Variants in SLC25A37 observed in about 807,000 individuals in gnomAD.
SLC25A37 encodes the protein mitoferrin-1.
SLC25A37 carries 17 observed loss-of-function variants against 31.0 expected under a neutral mutation model. That is an observed-to-expected ratio of 0.55 (90% CI 0.38 to 0.82). The LOEUF (loss-of-function observed/expected upper bound fraction) is 0.82, where lower values mean the gene tolerates loss of function less well. Among genes scored for constraint, SLC25A37 ranks in the 40% least tolerant of loss-of-function variants. The pLI is 0.00. For synonymous variants in SLC25A37, 222 were observed against 193.0 expected, an observed-to-expected ratio of 1.15 and a Z score of -1.24; for missense variants, 404 against 465.8, an observed-to-expected ratio of 0.87 and a Z score of 1.22.
rs909652062 is a variant in SLC25A37 at position 23,566,145 on chromosome 8, A to G, written c.248A>G (p.Gln83Arg). The G allele has an allele frequency of 6.2e-7, 1 of 1,600,544 alleles. No homozygotes were observed. The highest frequency in any genetic ancestry group is 1.3e-5 in the African/African-American group (1 of 74,328). The change falls in exon 2 of 4, where the codon CAG (glutamine) becomes CGG (arginine). Residue 83 changes from glutamine (Q) to arginine (R), a missense_variant. Physicochemically the swap from Gln to Arg is conservative, Grantham distance 43. This residue lies in a region of SLC25A37 where 154 missense variants were observed against 153.6 expected (regional missense o/e 1.00). Transcript: ENST00000519973. ...AGTTTGAGTCCAGATCCCAAAGCCCAGTACACAAGTATCTACGGAGCCCTC... is the reference window on the plus strand; with the variant it reads ...AGTTTGAGTCCAGATCCCAAAGCCCGGTACACAAGTATCTACGGAGCCCTC... ...MQSLSPDPKA[Q>R]YTSIYGALKK...
rs1802873583 is a variant in SLC25A37, at chr8:23,572,203, T to TACAAAA, written c.*349_*350insCAAAAA. On this transcript the variant is annotated 3_prime_UTR_variant, in exon 4 of 4. Transcript: ENST00000519973. ...GAAAATTTGCAGTGACTGAAAACAG[T>TACAAAA]AAAAAAAAAAAAAAAAAAAAAAAAA... 1.2e-5 allele frequency: 1 copy of TACAAAA among 85,756 alleles called. No homozygotes were observed. Among genetic ancestry groups the TACAAAA allele is most frequent in the African/African-American group, 6.5e-5 (1 of 15,276 alleles). The allele number at this position is 85,756 out of a possible 1,614,324, so 5.3% of individuals were successfully genotyped here. A position where few individuals can be genotyped will look rare whatever the true frequency, so the allele number is the denominator to read the frequency against.
chr8:23,556,899 G>T (rs1304980073), intron 1 of SLC25A37, among the ~76,000 whole-genome samples: 1 of 152,110 alleles, frequency 6.6e-6, no homozygotes, highest in East Asian at 1.9e-4. Flanking sequence ...CACCCAGGCT[G>T]GAGTGCAATG....
intron 1 of SLC25A37, among the ~76,000 whole-genome samples, chr8:23,560,160 C>T (rs1802476080): frequency 6.6e-6 from 1 of 152,104 alleles, no homozygotes; most frequent in Non-Finnish European, 1.5e-5. Flanking sequence ...CTGAGCTACT[C>T]AGGAGGCTGA....
intron 1 of SLC25A37, among the ~76,000 whole-genome samples, chr8:23,534,910 A>G (rs1046213882): frequency 5.9e-5 from 9 of 152,146 alleles, no homozygotes; most frequent in Non-Finnish European, 8.8e-5. Flanking sequence ...GGACTCTGGC[A>G]TCTGATGCAC....
At chr8:23,567,904 T>G (rs1802712102) in intron 2 of SLC25A37, 1 of 195,482 alleles carries the variant, frequency 5.1e-6, no homozygotes, top group South Asian at 9.4e-5. Context: ...TTCTCAGCTG[T>G]AGATATGATA....
intron 2 of SLC25A37, chr8:23,567,594 C>T (rs1218490972): frequency 6.5e-6 from 1 of 152,844 alleles, no homozygotes; most frequent in East Asian, 1.9e-4. Flanking sequence ...CCTGGTGTTC[C>T]TCATTCCTCC....
intron 1 of SLC25A37, among the ~76,000 whole-genome samples, chr8:23,548,679 AG>A: frequency 6.6e-6 from 1 of 152,112 alleles, no homozygotes; most frequent in East Asian, 1.9e-4. Flanking sequence ...CATGTTGGTC[AG>A]GCTGGTCTCA....
Position 23,571,390 on chromosome 8 carries a change from C to T in SLC25A37, c.552C>T (p.Cys184=), listed in dbSNP as rs565517052. The T allele has an allele frequency of 2.5e-5, 40 of 1,612,778 alleles. 1 individual carries two copies. In the South Asian group the frequency reaches 3.9e-4, roughly 16 times the overall value. ...CGCAGCACCGGTCAGCAATCAGCTG[C>T]ATCCGGACGGTGTGGAGGACCGAGG... ...YNSQHRSAIS[C]IRTVWRTEGL... is the part of the protein sequence containing the mutation. The change falls in exon 4 of 4, where the codon TGC becomes TGT. Residue 184 remains cysteine, a synonymous_variant. Transcript: ENST00000519973.
intron 3 of SLC25A37, among the ~76,000 whole-genome samples, chr8:23,569,515 C>G (rs1265986720): frequency 6.6e-6 from 1 of 152,130 alleles, no homozygotes; most frequent in Non-Finnish European, 1.5e-5. Context: ...GGCTAGTGTT[C>G]AATTTGACTG....
intron 1 of SLC25A37, among the ~76,000 whole-genome samples, chr8:23,548,511 C>A (rs1175074444): frequency 1.3e-5 from 2 of 150,184 alleles, no homozygotes; most frequent in Non-Finnish European, 3.0e-5. Flanking sequence ...TTGTTGCCCC[C>A]CCAGGATGGA....
chr8:23,546,108 C>T (rs1033085445), intron 1 of SLC25A37, among the ~76,000 whole-genome samples: 34 of 151,356 alleles, frequency 2.2e-4, no homozygotes, highest in African/African-American at 6.8e-4. Flanking sequence ...GCACTCCAGG[C>T]CGGGCAACAA....
At chr8:23,549,532 C>T (rs752645539) in intron 1 of SLC25A37, among the ~76,000 whole-genome samples, 7 of 152,306 alleles carry the variant, frequency 4.6e-5, no homozygotes, top group Middle Eastern at 3.4e-3. Context: ...TCGAGTCTTG[C>T]GGTTGTTTCC....
intron 1 of SLC25A37, among the ~76,000 whole-genome samples, chr8:23,557,990 T>C (rs1802413092): frequency 6.6e-6 from 1 of 152,182 alleles, no homozygotes; most frequent in South Asian, 2.1e-4. Context: ...CCTGGAGTTG[T>C]GCTGCTCATG....
intron 1 of SLC25A37, among the ~76,000 whole-genome samples, chr8:23,538,088 A>G (rs998916888): frequency 5.3e-5 from 8 of 152,120 alleles, no homozygotes; most frequent in African/African-American, 1.9e-4. Context: ...AAAGCTTTAA[A>G]ACTTGCTATT....
intron 1 of SLC25A37, among the ~76,000 whole-genome samples, chr8:23,560,759 G>A (rs1802495268): frequency 6.6e-6 from 1 of 152,208 alleles, no homozygotes; most frequent in Non-Finnish European, 1.5e-5. Context: ...GGTGACTGAG[G>A]CAGAACTCAA....
Position 23,529,232 on chromosome 8 carries a change from CG to C in SLC25A37, c.210+24del. 3 of 1,597,050 alleles carry C rather than the reference CG, an allele frequency of 1.9e-6. No homozygotes were observed. Among genetic ancestry groups the C allele is most frequent in the Non-Finnish European group, 2.6e-6 (3 of 1,172,898 alleles). Reference sequence around the variant, plus strand: ...GTGAAGGTGAGGCGCGGGGAGACTTCGGGGACGCAACGAGCGGAGAAGGAGC... The same window carrying C: ...GTGAAGGTGAGGCGCGGGGAGACTTCGGGACGCAACGAGCGGAGAAGGAGC... On this transcript the variant is annotated intron_variant, in intron 1 of 3. Transcript: ENST00000519973. This position sits in a 1 kb window ranked among gnomAD's most constrained non-coding sequence, Gnocchi z 4.1.
chr8:23,566,369 G>T, intron 2 of SLC25A37, 33 bp downstream of exon 2: 2 of 1,588,342 alleles, frequency 1.3e-6, no homozygotes, highest in East Asian at 2.3e-5. Flanking sequence ...GAGTTAGAAA[G>T]TTCTCTTCTT....
At chr8:23,566,511 C>T (rs919925774) in intron 2 of SLC25A37, 175 bp downstream of exon 2, 10 of 1,369,602 alleles carry the variant, frequency 7.3e-6, no homozygotes, top group South Asian at 7.2e-5. Context: ...CACACACGCG[C>T]GCGCACACAC....
chr8:23,568,313 G>T lies in SLC25A37; in HGVS notation c.440-9G>T. 1 of 1,613,930 alleles carries T rather than the reference G, an allele frequency of 6.2e-7. No homozygotes were observed. Among genetic ancestry groups the T allele is most frequent in the South Asian group, 1.1e-5 (1 of 91,082 alleles). On this transcript the variant is annotated splice_polypyrimidine_tract_variant and intron_variant, in intron 2 of 3. Transcript: ENST00000519973. ...CGCAGAGGGTAATTTTCTGGAGTTT[G>T]TTTTGCAGGGATAGCTGGGAGTATG...
Sources: allele counts gnomAD v4.1 joint callset (sites outside exome capture counted in the v4.1 genomes callset), GRCh38; gene constraint gnomAD v4.1.1; regional missense constraint gnomAD v4.1.1; non-coding constraint Gnocchi (gnomAD v3.1); transcripts MANE v1.5; gene names NCBI Gene and HGNC (gene_info 2026-07-23, HGNC 2026-07-21).